Variants in IGFL2 observed in about 807,000 individuals in gnomAD.
The protein encoded by IGFL2 is IGF like family member 2, also known as insulin growth factor-like family member 2.
In IGFL2, 7 loss-of-function variants were observed where a neutral mutation model predicts 13.9. The observed-to-expected ratio is 0.51, with a 90% CI of 0.29 to 0.95. The LOEUF (loss-of-function observed/expected upper bound fraction) is 0.95. Among genes scored for constraint, IGFL2 ranks in the 40% least tolerant of loss-of-function variants. The probability of loss-of-function intolerance (pLI) is 0.08; values close to 1 mark genes in which losing one functional copy is unlikely to be tolerated. For missense variants in IGFL2, 138 were observed against 147.8 expected (o/e 0.93, Z 0.34); for synonymous variants, 55 against 55.8 (o/e 0.99, Z 0.07).
chr19:46,195,719 T>G, the IGFL2 span: 1 of 152,152 alleles, frequency 6.6e-6, no homozygotes, highest in Non-Finnish European at 1.5e-5. Context: ...CCTCTGGAGC[T>G]GACTGGGGAG....
the IGFL2 span, among the ~76,000 whole-genome samples, chr19:46,119,472 T>C: frequency 3.9e-5 from 6 of 152,044 alleles, 1 homozygote; most frequent in African/African-American, 1.5e-4. Context: ...CCCTAGAACC[T>C]ACTGACTGGA....
At chr19:46,081,703 C>T in the IGFL2 span, among the ~76,000 whole-genome samples, 1 of 152,208 alleles carries the variant, frequency 6.6e-6, no homozygotes, top group African/African-American at 2.4e-5. Flanking sequence ...TTCTTTGATA[C>T]CATACCTCAG....
chr19:46,162,376 G>C (rs1974207214), downstream of IGFL2, among the ~76,000 whole-genome samples: 2 of 152,218 alleles, frequency 1.3e-5, no homozygotes, highest in African/African-American at 4.8e-5. Flanking sequence ...ACAATATCCT[G>C]AAGTATGTTT....
the IGFL2 span, among the ~76,000 whole-genome samples, chr19:46,108,195 A>T: frequency 6.6e-6 from 1 of 152,054 alleles, no homozygotes; most frequent in Admixed American, 6.5e-5. Context: ...GATTCAAAGG[A>T]CTCAGAGCTT....
chr19:46,168,726 T>G, the IGFL2 span, among the ~76,000 whole-genome samples: 1 of 152,238 alleles, frequency 6.6e-6, no homozygotes. Context: ...GTGCATTCAG[T>G]GCAACTTGCA....
chr19:46,157,810 A>T (rs908448073), intron 1 of IGFL2, among the ~76,000 whole-genome samples: 11 of 152,198 alleles, frequency 7.2e-5, no homozygotes, highest in Non-Finnish European at 1.3e-4. Flanking sequence ...AAAGAATTAC[A>T]ATTTATACAG....
the IGFL2 span, chr19:46,124,721 G>A: frequency 7.6e-7 from 1 of 1,309,564 alleles, no homozygotes; most frequent in Admixed American, 1.7e-5. Flanking sequence ...CAGCCTAAAT[G>A]GGGTTGTCTG....
chr19:46,201,844 G>A, the IGFL2 span, among the ~76,000 whole-genome samples: 6 of 152,106 alleles, frequency 3.9e-5, no homozygotes, highest in South Asian at 2.1e-4. Context: ...ATTTTGTTAA[G>A]ATGTAAAGGA....
chr19:46,189,310 C>T, the IGFL2 span: 2 of 152,314 alleles, frequency 1.3e-5, no homozygotes, highest in East Asian at 3.8e-4. Flanking sequence ...AATTCTGCTA[C>T]TACCTAGAAG....
the IGFL2 span, among the ~76,000 whole-genome samples, chr19:46,085,801 T>C: frequency 1.3e-5 from 2 of 152,200 alleles, no homozygotes; most frequent in South Asian, 4.1e-4. Context: ...TAAGGAACTC[T>C]TGTAAGGCAG....
chr19:46,133,695 G>C, the IGFL2 span, among the ~76,000 whole-genome samples: 1 of 152,196 alleles, frequency 6.6e-6, no homozygotes, highest in African/African-American at 2.4e-5. Flanking sequence ...ACAGGTCTTT[G>C]AGTAAATTTT....
chr19:46,134,975 G>C, the IGFL2 span, among the ~76,000 whole-genome samples: 3 of 152,170 alleles, frequency 2.0e-5, no homozygotes, highest in Non-Finnish European at 2.9e-5. Context: ...TTAGGCACAA[G>C]GAAGCATCAT....
the IGFL2 span, among the ~76,000 whole-genome samples, chr19:46,171,471 G>A: frequency 2.6e-5 from 4 of 152,156 alleles, no homozygotes; most frequent in African/African-American, 4.8e-5. Context: ...ATCAAACTTA[G>A]ACCATACCAT....
chr19:46,110,187 A>G, the IGFL2 span, among the ~76,000 whole-genome samples: 2 of 152,238 alleles, frequency 1.3e-5, no homozygotes, highest in Admixed American at 6.5e-5. Context: ...ACTGTTTGAT[A>G]AACTGCCTTT....
At chr19:46,103,240 T>TAA in the IGFL2 span, among the ~76,000 whole-genome samples, 1 of 152,100 alleles carries the variant, frequency 6.6e-6, no homozygotes, top group African/African-American at 2.4e-5. Context: ...ACTCTTCTTT[T>TAA]AAAAAATATA....
chr19:46,198,294 T>A, the IGFL2 span: 1 of 151,602 alleles, frequency 6.6e-6, no homozygotes, highest in Non-Finnish European at 1.5e-5. Flanking sequence ...ATTTTTTTTT[T>A]GTAAAGACTG....
chr19:46,087,912 C>A, the IGFL2 span, among the ~76,000 whole-genome samples: 1 of 152,174 alleles, frequency 6.6e-6, no homozygotes, highest in African/African-American at 2.4e-5. Context: ...CTTGATGCAG[C>A]TGATTAGGAC....
rs185652008 is a variant in IGFL2, at chr19:46,153,733, C to T, written c.19+5436C>T. Among the ~76,000 whole-genome samples, 19 of 151,354 alleles carry T rather than the reference C, an allele frequency of 1.3e-4. 1 individual carries two copies. Among genetic ancestry groups the T allele is most frequent in the Admixed American group, 9.9e-4 (15 of 15,216 alleles). ...GCAGCCTTGGGCATGAGTGCTGGAT[C>T]GCTAACTACTCCAGATAATTATGGT... On this transcript the variant is annotated intron_variant, in intron 1 of 3. Transcript: ENST00000377693.
At chr19:46,164,202 G>C (rs997693125), downstream of IGFL2, 1 of 151,982 alleles carries the variant, frequency 6.6e-6, no homozygotes, top group Admixed American at 6.5e-5. Flanking sequence ...TCTGTCCCAG[G>C]GTGGTTACAA....
Sources: allele counts gnomAD v4.1 joint callset (sites outside exome capture counted in the v4.1 genomes callset), GRCh38; gene constraint gnomAD v4.1.1; transcripts MANE v1.5; gene names NCBI Gene and HGNC (gene_info 2026-07-23, HGNC 2026-07-21).